EVI5L: variants seen among roughly 807,000 people sequenced by gnomAD.
The protein encoded by EVI5L is EVI5-like protein.
In EVI5L, 30 loss-of-function variants were observed where a neutral mutation model predicts 106.1. The ratio of observed to expected loss-of-function variants is 0.28; its 90% CI spans 0.21 to 0.38. The LOEUF (loss-of-function observed/expected upper bound fraction) is 0.38. EVI5L is among the 10% of genes least tolerant of loss of function. The pLI is 1.00. For synonymous variants in EVI5L, 489 were observed against 483.3 expected (o/e 1.01, Z -0.15); for missense variants, 809 against 1,098.0 (o/e 0.74, Z 3.72).
rs1439183141 is a variant in EVI5L, at chr19:7,863,160, C to T, written c.2044-25C>T. On this transcript the variant is annotated intron_variant, in intron 18 of 19. Coordinates refer to ENST00000538904, the MANE Select transcript of EVI5L (RefSeq NM_001159944.3). The surrounding 1 kb of genome is among the most constrained non-coding windows in gnomAD (Gnocchi z 7.7). Reference sequence around the variant, plus strand: ...CCCCAGGCCCAGCATGGCACTGGCCCCGCGTGACCTGGCGCACCCCGCAGA... The same window carrying T: ...CCCCAGGCCCAGCATGGCACTGGCCTCGCGTGACCTGGCGCACCCCGCAGA... The T allele has an allele frequency of 6.5e-7, 1 of 1,548,374 alleles. No individual in the cohort carries two copies. Among genetic ancestry groups the T allele is most frequent in the East Asian group, 2.4e-5 (1 of 40,990 alleles).
chr19:7,837,105 C>A (rs538921833), intron 1 of EVI5L, among the ~76,000 whole-genome samples: 1 of 148,632 alleles, frequency 6.7e-6, no homozygotes, highest in Non-Finnish European at 1.5e-5. Context: ...CTGAGGCGGG[C>A]GGATCACCTG....
Position 7,862,534 on chromosome 19 carries a change from G to A in EVI5L, c.1947G>A (p.Lys649=), listed in dbSNP as rs574927720. 59 of 1,471,110 alleles carry A rather than the reference G, an allele frequency of 4.0e-5. No individual in the cohort carries two copies. Among genetic ancestry groups the A allele is most frequent in the Non-Finnish European group, 5.1e-5 (57 of 1,109,764 alleles). The allele number at this position is 1,471,110 out of a possible 1,614,324, so 91.1% of individuals were successfully genotyped here. A position where few individuals can be genotyped will look rare whatever the true frequency, so the allele number is the denominator to read the frequency against. ...GCAAGCAGGCCGAGGCCGAGTGCAA[G>A]GTGCAGACCCCCGCGGCCCCGCCCT... ...SRRKQAEAEC[K]SKEEVMAVRL... Residue 649 remains lysine, a splice_region_variant and synonymous_variant, in exon 17 of 20, where the codon AAG becomes AAA. Transcript: ENST00000538904.
rs948572371 is a variant in EVI5L, at chr19:7,850,631, C to T, written c.753+509C>T. ...CACACGCAGACACACACACACACACCGGCCCGCCTCAGCTGCCATGGCAGG... is the reference window on the plus strand; with the variant it reads ...CACACGCAGACACACACACACACACTGGCCCGCCTCAGCTGCCATGGCAGG... On this transcript the variant is annotated intron_variant, in intron 6 of 19. Transcript: ENST00000538904. This position sits in a 1 kb window ranked among gnomAD's most constrained non-coding sequence, Gnocchi z 5.4. 2.6e-5 allele frequency among the ~76,000 whole-genome samples: 4 copies of T among 152,140 alleles called. No homozygotes were observed. Among genetic ancestry groups the T allele is most frequent in the African/African-American group, 7.2e-5 (3 of 41,420 alleles).
Position 7,848,041 on chromosome 19 carries a change from G to C in EVI5L, c.327+120G>C, listed in dbSNP as rs1338841380. 1.8e-6 allele frequency: 2 copies of C among 1,091,690 alleles called. No individual in the cohort carries two copies. The highest frequency in any genetic ancestry group is 1.6e-5 in the African/African-American group (1 of 63,208). 67.6% of individuals were successfully genotyped at this position (1,091,690 alleles called of 1,614,324 possible). A position where few individuals can be genotyped will look rare whatever the true frequency, so the allele number is the denominator to read the frequency against. On this transcript the variant is annotated intron_variant, in intron 3 of 19. Transcript: ENST00000538904. The surrounding 1 kb of genome is among the most constrained non-coding windows in gnomAD (Gnocchi z 4.8). ...CAGCCTGGGCACAGCGGCAGCAGTGGAGATGTGCAGGCACTTTCAGGGTGT... is the reference window on the plus strand; with the variant it reads ...CAGCCTGGGCACAGCGGCAGCAGTGCAGATGTGCAGGCACTTTCAGGGTGT...
rs1470694478 is a variant in EVI5L, at chr19:7,848,633, G to A, written c.328-288G>A. Among the ~76,000 whole-genome samples the A allele has an allele frequency of 6.6e-6, 1 of 152,074 alleles. No homozygotes were observed. The highest frequency in any genetic ancestry group is 6.6e-5 in the Admixed American group (1 of 15,266). ...AAAGTTTAAAAATTAGCCAGGCGTG[G>A]TGGTGCACAACTGTAGTCCCAGCTA... is the stretch of plus-strand genomic sequence containing the variant. On this transcript the variant is annotated intron_variant, in intron 3 of 19. Transcript: ENST00000538904. The surrounding 1 kb of genome is among the most constrained non-coding windows in gnomAD (Gnocchi z 4.8).
rs1381920520 is a variant in EVI5L, at chr19:7,850,489, A to T, written c.753+367A>T. Among the ~76,000 whole-genome samples the T allele has an allele frequency of 6.6e-6, 1 of 152,106 alleles. No individual in the cohort carries two copies. On this transcript the variant is annotated intron_variant, in intron 6 of 19. Coordinates refer to ENST00000538904, the MANE Select transcript of EVI5L (RefSeq NM_001159944.3). This position sits in a 1 kb window ranked among gnomAD's most constrained non-coding sequence, Gnocchi z 5.4. Reference sequence around the variant, plus strand: ...GGGAGTGTTGTCTGCCTGCCTGATTACTGGAGAGCCGCAGACGTCTGTTTA... The same window carrying T: ...GGGAGTGTTGTCTGCCTGCCTGATTTCTGGAGAGCCGCAGACGTCTGTTTA...
In EVI5L at chr19:7,863,691, C is replaced by T. The variant is rs776039461; in HGVS notation, c.2407C>T (p.Leu803=). 8 of 1,501,444 alleles carry T rather than the reference C, an allele frequency of 5.3e-6. No homozygotes were observed. In the South Asian group the frequency reaches 1.0e-4, roughly 19 times the overall value. 93.0% of individuals were successfully genotyped at this position (1,501,444 alleles called of 1,614,324 possible). Residue 803 remains leucine (L), a synonymous_variant, in exon 20 of 20, where the codon CTG becomes TTG. Transcript: ENST00000538904. The surrounding 1 kb of genome is among the most constrained non-coding windows in gnomAD (Gnocchi z 7.7). ...DELAAPYSQG[L]DN is the part of the protein sequence containing the mutation. ...GCTGGCCGCGCCCTACAGCCAGGGT[C>T]TGGACAACTGAGGCCATGCCCAGCG...
rs1280346780 is a variant in EVI5L, at chr19:7,848,499, A to G, written c.328-422A>G. Among the ~76,000 whole-genome samples the G allele has an allele frequency of 6.6e-6, 1 of 152,054 alleles. No homozygotes were observed. Among genetic ancestry groups the G allele is most frequent in the Non-Finnish European group, 1.5e-5 (1 of 68,022 alleles). ...GTAATCCCAGCTACTTGGGAGGCTGAGGCAGGAGAATCACTTGAACCTGGG... is the reference window on the plus strand; with the variant it reads ...GTAATCCCAGCTACTTGGGAGGCTGGGGCAGGAGAATCACTTGAACCTGGG... On this transcript the variant is annotated intron_variant, in intron 3 of 19. Coordinates refer to ENST00000538904, the MANE Select transcript of EVI5L (RefSeq NM_001159944.3). The surrounding 1 kb of genome is among the most constrained non-coding windows in gnomAD (Gnocchi z 4.8).
At chr19:7,836,101 G>A (rs1341024534) in intron 1 of EVI5L, among the ~76,000 whole-genome samples, 1 of 152,088 alleles carries the variant, frequency 6.6e-6, no homozygotes, top group African/African-American at 2.4e-5. Flanking sequence ...GCCAGATATG[G>A]TGGCACGCAC....
At position 7,853,351 on chromosome 19, in the gene EVI5L, G is replaced by C. The variant is rs1403129873; in HGVS notation, c.1146+18G>C. The C allele has an allele frequency of 6.2e-7, 1 of 1,604,006 alleles. No homozygotes were observed. The highest frequency in any genetic ancestry group is 8.5e-7 in the Non-Finnish European group (1 of 1,176,188). ...AGATCAAAGTGAGTCCAGGGGCCCA[G>C]GGGCGGGGACAGGGATGGGAGGCCT... On this transcript the variant is annotated intron_variant, in intron 10 of 19. Coordinates refer to ENST00000538904, the MANE Select transcript of EVI5L (RefSeq NM_001159944.3).
At chr19:7,852,507 C>G (rs1011118085) in intron 8 of EVI5L, among the ~76,000 whole-genome samples, 1 of 151,940 alleles carries the variant, frequency 6.6e-6, no homozygotes, top group Non-Finnish European at 1.5e-5. Context: ...CCTCAGCCTT[C>G]ACTCCCAGGA....
At chr19:7,847,629 G>T in intron 2 of EVI5L, 103 bp from the exon 3 acceptor site, 2 of 1,180,402 alleles carry the variant, frequency 1.7e-6, no homozygotes, top group South Asian at 2.8e-5. Context: ...CTAATCCCTG[G>T]TGTCCTCTAA....
intron 1 of EVI5L, among the ~76,000 whole-genome samples, chr19:7,837,073 G>T (rs1035944266): frequency 6.7e-6 from 1 of 149,534 alleles, no homozygotes; most frequent in Admixed American, 6.7e-5. Flanking sequence ...GCTCACGCCT[G>T]TAATCCCAGC....
intron 2 of EVI5L, among the ~76,000 whole-genome samples, chr19:7,846,993 C>T (rs549427599): frequency 7.9e-4 from 121 of 152,296 alleles, no homozygotes; most frequent in African/African-American, 2.9e-3. Flanking sequence ...TGACCCTACC[C>T]CCATTTAAAA....
intron 17 of EVI5L, 107 bp from the exon 18 acceptor site, chr19:7,862,865 C>T (rs1388590216): frequency 2.6e-6 from 2 of 759,438 alleles, no homozygotes; most frequent in Admixed American, 3.0e-5. Flanking sequence ...CCTGACCCGC[C>T]TCCGCCCGCG....
chr19:7,841,310 G>A (rs989575430), intron 1 of EVI5L, among the ~76,000 whole-genome samples: 6 of 152,076 alleles, frequency 3.9e-5, no homozygotes, highest in Non-Finnish European at 7.4e-5. Context: ...TCAAGATCAA[G>A]GCCAAGGAGG....
chr19:7,843,473 C>A (rs1387882156), intron 1 of EVI5L, among the ~76,000 whole-genome samples: 1 of 125,030 alleles, frequency 8.0e-6, no homozygotes, highest in Non-Finnish European at 1.6e-5. Flanking sequence ...TGAGAATAGG[C>A]ATGGGTGTGT....
chr19:7,862,921 G>T, intron 17 of EVI5L, 51 bp from the exon 18 acceptor site: 2 of 1,206,748 alleles, frequency 1.7e-6, no homozygotes, highest in Middle Eastern at 2.7e-4. Context: ...GCCCCCTGAT[G>T]CGCCGCGCCC....
At chr19:7,838,804 T>G (rs1770374634) in intron 1 of EVI5L, among the ~76,000 whole-genome samples, 1 of 151,908 alleles carries the variant, frequency 6.6e-6, no homozygotes, top group South Asian at 2.1e-4. Flanking sequence ...CGAGCCAGGA[T>G]GCTGGAAGAA....
Sources: allele counts gnomAD v4.1 joint callset (sites outside exome capture counted in the v4.1 genomes callset), GRCh38; gene constraint gnomAD v4.1.1; non-coding constraint Gnocchi (gnomAD v3.1); transcripts MANE v1.5; gene names NCBI Gene and HGNC (gene_info 2026-07-23, HGNC 2026-07-21).